Variants in GAPVD1 observed in about 807,000 individuals in gnomAD.
The protein encoded by GAPVD1 is GTPase activating protein and VPS9 domains 1, also known as GTPase-activating protein and VPS9 domain-containing protein 1.
In GAPVD1, 35 loss-of-function variants were observed where a neutral mutation model predicts 155.5. The observed-to-expected ratio is 0.23, with a 90% CI of 0.17 to 0.30. The LOEUF (loss-of-function observed/expected upper bound fraction) is 0.30, where lower values mean the gene tolerates loss of function less well. GAPVD1 is among the 10% of genes least tolerant of loss of function. The pLI is 1.00. For synonymous variants in GAPVD1, 636 were observed against 619.7 expected, an observed-to-expected ratio of 1.03 and a Z score of -0.39; for missense variants, 1,429 against 1,775.7, an observed-to-expected ratio of 0.80 and a Z score of 3.51.
At chr9:125,263,478 A>T in intron 1 of GAPVD1, 1 of 674,026 alleles carries the variant, frequency 1.5e-6, no homozygotes, top group Admixed American at 2.5e-5. Context: ...AAAACTCCTG[A>T]AATAGAAATA....
rs1849892161 is a variant in GAPVD1, at chr9:125,355,207, C to T, written c.3757+366C>T. ...TCTCGGCTCACTGCAACCTCTGTCT[C>T]CCTGGTAGCTGCCTCAGCCTCCCAA... On this transcript the variant is annotated intron_variant, in intron 24 of 27. Transcript: ENST00000297933. 1.2e-4 allele frequency among the ~76,000 whole-genome samples: 9 copies of T among 73,316 alleles called. No individual in the cohort carries two copies. In the South Asian group the frequency reaches 3.5e-3, roughly 29 times the overall value. The allele number at this position is 73,316 out of a possible 152,430, so 48.1% of individuals were successfully genotyped here.
At chr9:125,324,299 T>C (rs1844816671) in intron 11 of GAPVD1, among the ~76,000 whole-genome samples, 1 of 152,070 alleles carries the variant, frequency 6.6e-6, no homozygotes, top group African/African-American at 2.4e-5. Flanking sequence ...GTTGAAAGTA[T>C]AGGGAAAGCT....
chr9:125,341,503 A>G (rs570320308), intron 18 of GAPVD1: 11 of 390,140 alleles, frequency 2.8e-5, no homozygotes, highest in African/African-American at 1.3e-4. Flanking sequence ...GCCTGTCACT[A>G]TTGTTTAAAT....
intron 2 of GAPVD1, among the ~76,000 whole-genome samples, chr9:125,288,746 AT>A (rs1838128585): frequency 1.3e-5 from 2 of 152,196 alleles, no homozygotes; most frequent in Non-Finnish European, 2.9e-5. Context: ...ATGGTCAGTG[AT>A]GACTGCAAGG....
At chr9:125,340,368 A>G (rs954665852) in intron 17 of GAPVD1, among the ~76,000 whole-genome samples, 2 of 152,322 alleles carry the variant, frequency 1.3e-5, no homozygotes, top group East Asian at 1.9e-4. Context: ...TGATCAAAAC[A>G]TGAACTTTAA....
chr9:125,327,729 C>T (rs1180153289), intron 12 of GAPVD1, among the ~76,000 whole-genome samples: 1 of 152,174 alleles, frequency 6.6e-6, no homozygotes, highest in Non-Finnish European at 1.5e-5. Flanking sequence ...GTCTCGAACT[C>T]CTGACCTCAA....
intron 2 of GAPVD1, among the ~76,000 whole-genome samples, chr9:125,293,877 T>TTATATATTATATATATTATATATATA (rs1471962977): frequency 5.5e-5 from 1 of 18,182 alleles, no homozygotes; most frequent in Admixed American, 7.4e-4. Flanking sequence ...TATATATATA[T>TTATATATTATATATATTATATATATA]ATATATATAT....
Position 125,337,485 on chromosome 9 carries a change from A to G in GAPVD1, c.2771A>G (p.Asn924Ser), listed in dbSNP as rs1247807756. 4.3e-6 allele frequency: 7 copies of G among 1,614,086 alleles called. No homozygotes were observed. The highest frequency in any genetic ancestry group is 5.9e-6 in the Non-Finnish European group (7 of 1,180,040). The change falls in exon 17 of 28, where the codon AAT becomes AGT. Residue 924 changes from asparagine to serine, a missense_variant. Transcript: ENST00000297933. ...SDPSWNRRPG[N>S]EERELPPAAA... ...CCCAGCTGGAACCGGCGTCCAGGAA[A>G]TGAAGAGCGAGAACTCCCTCCAGCT...
rs567563880 is a variant in GAPVD1, at chr9:125,267,738, G to A, written c.-198-1198G>A. Among the ~76,000 whole-genome samples, 4 of 152,032 alleles carry A rather than the reference G, an allele frequency of 2.6e-5. No individual in the cohort carries two copies. In the South Asian group the frequency reaches 8.3e-4, roughly 32 times the overall value. ...AAAAAAAGAATTTTTTTTTTATTGG[G>A]AAGACAGGATCTCCCTATGTTCCTC... On this transcript the variant is annotated intron_variant, in intron 1 of 27. Coordinates refer to ENST00000297933, the MANE Select transcript of GAPVD1 (RefSeq NM_001282680.3).
chr9:125,359,413 T>C lies in GAPVD1; in HGVS notation c.3972-7T>C. The C allele has an allele frequency of 6.5e-7, 1 of 1,543,840 alleles. No homozygotes were observed. The highest frequency in any genetic ancestry group is 8.9e-7 in the Non-Finnish European group (1 of 1,117,812). On this transcript the variant is annotated splice_region_variant and splice_polypyrimidine_tract_variant and intron_variant, in intron 25 of 27. Coordinates refer to ENST00000297933, the MANE Select transcript of GAPVD1 (RefSeq NM_001282680.3). ...ATGTTTACATGTGTATTTTGGGGGGTTTTCAGGGTTCTTCATGAACATATC... is the reference window on the plus strand; with the variant it reads ...ATGTTTACATGTGTATTTTGGGGGGCTTTCAGGGTTCTTCATGAACATATC...
chr9:125,349,412 T>C lies in GAPVD1; in HGVS notation c.3192T>C (p.Ser1064=). Residue 1064 remains serine (S), a synonymous_variant, in exon 21 of 28, where the codon AGT becomes AGC. Transcript: ENST00000297933. ...TAGAGGTTATGGGTGATGGTGAAAG[T>C]GCACATGATTCTCCCCGTGACGAAG... ...ESTEVMGDGE[S]AHDSPRDEAL... 6.2e-7 allele frequency: 1 copy of C among 1,613,972 alleles called. No homozygotes were observed. The highest frequency in any genetic ancestry group is 1.1e-5 in the South Asian group (1 of 91,084).
intron 9 of GAPVD1, among the ~76,000 whole-genome samples, chr9:125,320,025 T>TA (rs1844065053): frequency 6.6e-6 from 1 of 152,242 alleles, no homozygotes; most frequent in African/African-American, 2.4e-5. Context: ...ATTTATCTTT[T>TA]AGCTGACAAA....
intron 2 of GAPVD1, among the ~76,000 whole-genome samples, chr9:125,271,581 T>C (rs957768423): frequency 1.1e-4 from 17 of 152,262 alleles, no homozygotes; most frequent in Middle Eastern, 3.4e-3. Flanking sequence ...GACAGACTCT[T>C]GCTCTCTTGC....
chr9:125,320,861 C>A (rs138975766), intron 9 of GAPVD1, among the ~76,000 whole-genome samples: 4 of 152,192 alleles, frequency 2.6e-5, no homozygotes, highest in African/African-American at 9.6e-5. Flanking sequence ...CTCCTGACCT[C>A]GTGATCTGCC....
At chr9:125,351,788 TGGAGTG>T (rs544990335) in intron 23 of GAPVD1, among the ~76,000 whole-genome samples, 87 of 152,022 alleles carry the variant, frequency 5.7e-4, no homozygotes, top group Admixed American at 7.2e-4. Context: ...TTGCCCAGGC[TGGAGTG>T]CAATGGTGCG....
rs932184980 is a variant in GAPVD1, at chr9:125,363,363, T to G, written c.*617T>G. 3 of 152,204 alleles carry G rather than the reference T, an allele frequency of 2.0e-5. No individual in the cohort carries two copies. The highest frequency in any genetic ancestry group is 7.2e-5 in the African/African-American group (3 of 41,456). 9.4% of individuals were successfully genotyped at this position (152,204 alleles called of 1,614,324 possible). A position where few individuals can be genotyped will look rare whatever the true frequency, so the allele number is the denominator to read the frequency against. ...TGACATACTGTCTTGTGAAATGGTTTCCTTGACAAAATTTAAGCTGAGCTT... is the reference window on the plus strand; with the variant it reads ...TGACATACTGTCTTGTGAAATGGTTGCCTTGACAAAATTTAAGCTGAGCTT... On this transcript the variant is annotated 3_prime_UTR_variant, in exon 28 of 28. Coordinates refer to ENST00000297933, the MANE Select transcript of GAPVD1 (RefSeq NM_001282680.3).
chr9:125,331,949 G>A lies in GAPVD1; in HGVS notation c.2197G>A (p.Glu733Lys). 6.2e-7 allele frequency: 1 copy of A among 1,614,044 alleles called. No individual in the cohort carries two copies. Among genetic ancestry groups the A allele is most frequent in the Non-Finnish European group, 8.5e-7 (1 of 1,179,922 alleles). Residue 733 changes from glutamate to lysine, a missense_variant, in exon 14 of 28, where the codon GAG becomes AAG. Coordinates refer to ENST00000297933, the MANE Select transcript of GAPVD1 (RefSeq NM_001282680.3). ...DSEAPDLKQE[E>K]RLQELESCSG... ...AGAGGCCCCAGACCTAAAGCAGGAG[G>A]AGCGTCTGCAAGAACTGGAGAGCTG...
chr9:125,321,678 AATG>A, intron 10 of GAPVD1, 116 bp downstream of exon 10: 1 of 914,804 alleles, frequency 1.1e-6, no homozygotes, highest in Non-Finnish European at 1.6e-6. Flanking sequence ...TGAGGAGACT[AATG>A]AAGATTTCCT....
At chr9:125,287,446 A>G (rs1188165753) in intron 2 of GAPVD1, among the ~76,000 whole-genome samples, 1 of 152,112 alleles carries the variant, frequency 6.6e-6, no homozygotes, top group East Asian at 1.9e-4. Context: ...CTGGGGAGGC[A>G]CAGAGCCATG....
Sources: allele counts gnomAD v4.1 joint callset (sites outside exome capture counted in the v4.1 genomes callset), GRCh38; gene constraint gnomAD v4.1.1; transcripts MANE v1.5; gene names NCBI Gene and HGNC (gene_info 2026-07-23, HGNC 2026-07-21).